The following NECTIN3 variants were observed in gnomAD, a reference collection of about 807,000 sequenced individuals.
NECTIN3 encodes nectin-3.
NECTIN3 carries 8 observed loss-of-function variants against 49.4 expected under a neutral mutation model. That is an observed-to-expected ratio of 0.16 (90% CI 0.10 to 0.29). The LOEUF is 0.29. Ranked by LOEUF, NECTIN3 falls within the 10% of genes least tolerant of loss-of-function variation. The pLI is 1.00. For synonymous variants in NECTIN3, 277 were observed against 241.1 expected (o/e 1.15, Z -1.38); for missense variants, 581 against 654.6 (o/e 0.89, Z 1.23).
At chr3:111,137,651 AT>A (rs773447006), downstream of NECTIN3, 11 of 243,878 alleles carry the variant, frequency 4.5e-5, no homozygotes, top group Non-Finnish European at 7.2e-5. Flanking sequence ...AACCTAGTTT[AT>A]TTTAATTATC....
intron 1 of NECTIN3, among the ~76,000 whole-genome samples, chr3:111,088,327 G>T (rs778111462): frequency 6.6e-6 from 1 of 152,060 alleles, no homozygotes; most frequent in Admixed American, 6.5e-5. Flanking sequence ...GTGTCCTAAG[G>T]CTCTCTTCAG....
chr3:111,090,617 A>G (rs1313824720), intron 1 of NECTIN3, among the ~76,000 whole-genome samples: 2 of 144,416 alleles, frequency 1.4e-5, no homozygotes, highest in African/African-American at 5.1e-5. Context: ...GGCATTTTGC[A>G]TCTTTATTTT....
At chr3:111,110,883 AT>A (rs1369277858) in intron 1 of NECTIN3, among the ~76,000 whole-genome samples, 1 of 152,104 alleles carries the variant, frequency 6.6e-6, no homozygotes, top group East Asian at 1.9e-4. Flanking sequence ...TCTAAAAAAG[AT>A]TCAGGGAAAT....
chr3:111,075,999 G>A (rs1402105053), intron 1 of NECTIN3, among the ~76,000 whole-genome samples: 1 of 152,090 alleles, frequency 6.6e-6, no homozygotes, highest in Non-Finnish European at 1.5e-5. Flanking sequence ...TTTTTGGAAA[G>A]TAACCCAAAT....
chr3:111,094,049 G>T (rs1259812056), intron 1 of NECTIN3, among the ~76,000 whole-genome samples: 1 of 151,816 alleles, frequency 6.6e-6, no homozygotes, highest in Non-Finnish European at 1.5e-5. Flanking sequence ...AAGATATTAT[G>T]ATTTTATTAA....
chr3:111,072,198 G>A (rs2030807200), intron 1 of NECTIN3, 21 bp downstream of exon 1: 2 of 1,535,934 alleles, frequency 1.3e-6, no homozygotes, highest in Admixed American at 1.9e-5. Context: ...CTCGGCGGCC[G>A]GCGTGGGCTG....
intron 7 of NECTIN3, among the ~76,000 whole-genome samples, chr3:111,173,023 T>A (rs1322147977): frequency 6.6e-6 from 1 of 152,220 alleles, no homozygotes; most frequent in East Asian, 1.9e-4. Context: ...AAATGCCACA[T>A]TCATTTAGAA....
chr3:111,128,109 A>G (rs2034240453), intron 5 of NECTIN3, among the ~76,000 whole-genome samples: 1 of 151,984 alleles, frequency 6.6e-6, no homozygotes, highest in Non-Finnish European at 1.5e-5. Flanking sequence ...AGGCCGAGGT[A>G]GGTGGATCAC....
intron 1 of NECTIN3, among the ~76,000 whole-genome samples, chr3:111,094,813 A>G (rs2032490612): frequency 6.6e-6 from 1 of 152,194 alleles, no homozygotes; most frequent in African/African-American, 2.4e-5. Flanking sequence ...GTGTATACCC[A>G]AATTCCAGAC....
chr3:111,191,195 A>G (rs2035806640), upstream of NECTIN3, among the ~76,000 whole-genome samples: 1 of 152,216 alleles, frequency 6.6e-6, no homozygotes, highest in Admixed American at 6.5e-5. Flanking sequence ...AGACAAAGCC[A>G]CATTTGAATC....
At position 111,178,642 on chromosome 3, in the gene NECTIN3, C is replaced by T. The variant is rs116292084; in HGVS notation, c.1222-13709C>T. On this transcript the variant is annotated intron_variant, in intron 7 of 8. Coordinates refer to the NECTIN3 transcript ENST00000493615. ...TCGTACGGATGACGATAAACCAGAG[C>T]ATGTGGCAAAGCTCGCCAGTCTTGA... 7.1e-3 allele frequency among the ~76,000 whole-genome samples: 1,074 copies of T among 152,328 alleles called. 3 individuals are homozygous for T. The highest frequency in any genetic ancestry group is 0.017 in the Middle Eastern group (5 of 294).
chr3:111,160,559 T>C (rs1392052035), intron 7 of NECTIN3, among the ~76,000 whole-genome samples: 1 of 152,222 alleles, frequency 6.6e-6, no homozygotes, highest in Non-Finnish European at 1.5e-5. Flanking sequence ...ATATTTCATA[T>C]CAACTCTTTT....
rs2034604060 is a variant in NECTIN3 at position 111,137,054 on chromosome 3, C to A, written c.*2839C>A. The stretch of plus-strand genomic sequence containing the variant: ...ATACAGGAAAGTTTTATAAGATAAC[C>A]CACGGCTAAATATTTTGCATTAAGG... On this transcript the variant is annotated 3_prime_UTR_variant, in exon 6 of 6. Transcript: ENST00000485303. The A allele has an allele frequency of 1.0e-6, 1 of 982,112 alleles. No individual in the cohort carries two copies. Among genetic ancestry groups the A allele is most frequent in the Non-Finnish European group, 1.2e-6 (1 of 827,364 alleles). 60.8% of individuals were successfully genotyped at this position (982,112 alleles called of 1,614,324 possible). A position where few individuals can be genotyped will look rare whatever the true frequency, so the allele number is the denominator to read the frequency against.
At chr3:111,149,172 C>A (rs913448486) in intron 7 of NECTIN3, among the ~76,000 whole-genome samples, 15 of 152,008 alleles carry the variant, frequency 9.9e-5, no homozygotes, top group African/African-American at 3.4e-4. Flanking sequence ...TGTTTCTGAA[C>A]TCTTAATTCT....
intron 1 of NECTIN3, chr3:111,072,515 G>T: frequency 1.3e-6 from 2 of 1,535,944 alleles, no homozygotes; most frequent in Non-Finnish European, 1.7e-6. Flanking sequence ...ACCCTCGTAG[G>T]TTAAGGTGCC....
chr3:111,113,440 C>T (rs1489024381), intron 2 of NECTIN3, among the ~76,000 whole-genome samples: 1 of 152,040 alleles, frequency 6.6e-6, no homozygotes, highest in Non-Finnish European at 1.5e-5. Context: ...TTAATAGCTC[C>T]TAATGTTTAA....
In NECTIN3 at chr3:111,134,169, C is replaced by G; in HGVS notation, c.1604C>G (p.Ser535Ter). Residue 535 changes from serine to a stop codon, truncating the protein, a stop_gained, in exon 6 of 6, where the codon TCA becomes TGA. Transcript: ENST00000485303. LOFTEE classifies it high-confidence loss of function. ...GATGAAAACGAAGATGACTTAGTTTCACATGTAGATGGTTCCGTAATTTCC... is the reference window on the plus strand; with the variant it reads ...GATGAAAACGAAGATGACTTAGTTTGACATGTAGATGGTTCCGTAATTTCC... ...HYDENEDDLV[S>*]HVDGSVISRR... 2 of 1,611,314 alleles carry G rather than the reference C, an allele frequency of 1.2e-6. No homozygotes were observed. The highest frequency in any genetic ancestry group is 1.7e-6 in the Non-Finnish European group (2 of 1,178,818).
chr3:111,091,697 C>T (rs1173917618), intron 1 of NECTIN3, among the ~76,000 whole-genome samples: 1 of 152,048 alleles, frequency 6.6e-6, no homozygotes, highest in Non-Finnish European at 1.5e-5. Context: ...TCTGTCTAGT[C>T]ATTAGTTGAT....
chr3:111,126,446 G>A (rs1320235672), intron 5 of NECTIN3, 111 bp downstream of exon 5: 1 of 935,612 alleles, frequency 1.1e-6, no homozygotes, highest in Non-Finnish European at 1.6e-6. Context: ...AGATTCCTCA[G>A]TGTGAAGTTT....
Sources: gnomAD v4.1 joint callset for allele counts (sites outside exome capture counted in the v4.1 genomes callset) on GRCh38, gnomAD v4.1.1 for gene constraint, MANE v1.5 for transcripts, NCBI Gene and HGNC (gene_info 2026-07-23, HGNC 2026-07-21) for gene names.